CCDC158: variants seen among roughly 807,000 people sequenced by gnomAD.
CCDC158 encodes coiled-coil domain-containing protein 158.
Under a neutral mutation model 138.6 loss-of-function variants are expected in CCDC158, and 116 were observed. The ratio of observed to expected loss-of-function variants is 0.84; its 90% CI spans 0.72 to 0.98. The LOEUF is 0.98. Ranked by LOEUF, CCDC158 falls within the 50% of genes least tolerant of loss-of-function variation. The pLI is 0.00. For synonymous variants in CCDC158, 436 were observed against 442.4 expected (o/e 0.99, Z 0.18); for missense variants, 1,265 against 1,306.1 (o/e 0.97, Z 0.48).
intron 18 of CCDC158, among the ~76,000 whole-genome samples, chr4:76,346,996 T>A (rs1365908247): frequency 1.3e-5 from 2 of 152,108 alleles, no homozygotes; most frequent in Admixed American, 1.3e-4. Context: ...TCATGCCAGT[T>A]AGAATGGCGA....
At chr4:76,347,041 G>A (rs1013969464) in intron 18 of CCDC158, among the ~76,000 whole-genome samples, 5 of 152,104 alleles carry the variant, frequency 3.3e-5, no homozygotes, top group Admixed American at 2.0e-4. Flanking sequence ...ACGCTGGAGA[G>A]GATGTAGAGA....
intron 24 of CCDC158, among the ~76,000 whole-genome samples, chr4:76,314,895 G>A (rs1719225275): frequency 6.6e-6 from 1 of 152,182 alleles, no homozygotes. Flanking sequence ...TCTGGGTGGT[G>A]AATGGGAAAT....
At chr4:76,421,424 A>G (rs1453620054), upstream of CCDC158, among the ~76,000 whole-genome samples, 1 of 152,000 alleles carries the variant, frequency 6.6e-6, no homozygotes, top group Non-Finnish European at 1.5e-5. Context: ...GCCCTGCCCC[A>G]GAAACTACCC....
At position 76,332,449 on chromosome 4, in the gene CCDC158, T is replaced by A; in HGVS notation, c.2865A>T (p.Arg955Ser). 6.2e-7 allele frequency: 1 copy of A among 1,611,262 alleles called. No individual in the cohort carries two copies. Among genetic ancestry groups the A allele is most frequent in the East Asian group, 2.2e-5 (1 of 44,738 alleles). Residue 955 changes from arginine to serine, a missense_variant, in exon 20 of 25, where the codon AGA becomes AGT. Physicochemically the swap from Arg to Ser is moderately radical, Grantham distance 110 (BLOSUM62 -1). Transcript: ENST00000682701. ...VRDCITESSL[R>S]SDMCHRSNNS... ...CTTCTTACCTATGGCACATGTCTGA[T>A]CTCAGGCTGGATTCAGTAATGCAAT... is the stretch of plus-strand genomic sequence containing the variant.
At chr4:76,334,749 C>A (rs1721317471) in intron 18 of CCDC158, among the ~76,000 whole-genome samples, 1 of 152,106 alleles carries the variant, frequency 6.6e-6, no homozygotes, top group Non-Finnish European at 1.5e-5. Flanking sequence ...ATAGGCACAT[C>A]AAGAGGGGAA....
chr4:76,383,960 G>T (rs1005002002), intron 6 of CCDC158, 128 bp downstream of exon 6: 4 of 780,516 alleles, frequency 5.1e-6, no homozygotes, highest in Non-Finnish European at 7.9e-6. Flanking sequence ...TACTGTGGAA[G>T]TAACTTCTGT....
chr4:76,336,345 G>A (rs1721505902), intron 18 of CCDC158, among the ~76,000 whole-genome samples: 1 of 152,004 alleles, frequency 6.6e-6, no homozygotes, highest in Non-Finnish European at 1.5e-5. Context: ...CTCCACAGAG[G>A]CAAGGACTTG....
At chr4:76,351,996 T>TA (rs1723089819) in intron 16 of CCDC158, 184 bp from the exon 17 acceptor site, 2 of 528,386 alleles carry the variant, frequency 3.8e-6, no homozygotes, top group African/African-American at 3.8e-5. Flanking sequence ...GCCATGTTTT[T>TA]ATCCTCTATA....
Position 76,395,810 on chromosome 4 carries a change from G to A in CCDC158, c.288+459C>T, listed in dbSNP as rs138858475. On this transcript the variant is annotated intron_variant, in intron 4 of 24. Coordinates refer to ENST00000682701, the MANE Select transcript of CCDC158 (RefSeq NM_001394954.1). ...AATTGTAAAGCCAGTTTGATTCTAC[G>A]TAATGTCCACTTGAAATTTTTAGCA... 1.9e-3 allele frequency among the ~76,000 whole-genome samples: 292 copies of A among 152,240 alleles called. 2 individuals are homozygous for A. The highest frequency in any genetic ancestry group is 3.9e-3 in the Admixed American group (59 of 15,294).
At chr4:76,403,322 T>C in intron 2 of CCDC158, 42 bp from the exon 3 acceptor site, 1 of 633,516 alleles carries the variant, frequency 1.6e-6, no homozygotes, top group Non-Finnish European at 2.5e-6. Flanking sequence ...CAAGGTACTA[T>C]GTGAAAAAAG....
intron 22 of CCDC158, 32 bp from the exon 23 acceptor site, chr4:76,326,047 C>A: frequency 6.4e-7 from 1 of 1,572,650 alleles, no homozygotes; most frequent in Admixed American, 1.8e-5. Flanking sequence ...AGTAAAAGGA[C>A]AGAATTAATT....
At chr4:76,344,648 C>A in intron 18 of CCDC158, 1 of 1,599,840 alleles carries the variant, frequency 6.3e-7, no homozygotes, top group Non-Finnish European at 8.6e-7. Context: ...TTACAGTGCA[C>A]ACAAAGACCA....
intron 20 of CCDC158, among the ~76,000 whole-genome samples, chr4:76,331,700 G>A (rs750978228): frequency 2.2e-4 from 33 of 152,258 alleles, no homozygotes; most frequent in Non-Finnish European, 4.0e-4. Flanking sequence ...GGAATCAGGA[G>A]GAGTCTGGTT....
intron 9 of CCDC158, among the ~76,000 whole-genome samples, chr4:76,372,851 T>C (rs1255815169): frequency 6.6e-6 from 1 of 151,544 alleles, no homozygotes; most frequent in Non-Finnish European, 1.5e-5. Context: ...AGCGTTTCTA[T>C]AGTTCTTTTT....
chr4:76,341,702 G>A (rs181512243), intron 18 of CCDC158, among the ~76,000 whole-genome samples: 62 of 152,306 alleles, frequency 4.1e-4, no homozygotes, highest in African/African-American at 1.5e-3. Context: ...ATGTGTATAT[G>A]TATGTATATG....
Position 76,369,467 on chromosome 4 carries a change from T to G in CCDC158, c.1306A>C (p.Lys436Gln). 6.2e-7 allele frequency: 1 copy of G among 1,614,158 alleles called. No homozygotes were observed. The highest frequency in any genetic ancestry group is 8.5e-7 in the Non-Finnish European group (1 of 1,180,002). The change falls in exon 11 of 25, where the codon AAG becomes CAG. Residue 436 changes from lysine (K) to glutamine (Q), a missense_variant. Lys to Gln is a moderately conservative substitution (Grantham distance 53, BLOSUM62 1). Coordinates refer to ENST00000682701, the MANE Select transcript of CCDC158 (RefSeq NM_001394954.1). ...CCCTGACACTCGCTCTTCAAGGCCTTGAGCAGGGCTTCCAGGCGCTGCACC... is the reference window on the plus strand; with the variant it reads ...CCCTGACACTCGCTCTTCAAGGCCTGGAGCAGGGCTTCCAGGCGCTGCACC... ...MEVQRLEALLKALKSECQGQM... is the reference protein window; with the variant it reads ...MEVQRLEALLQALKSECQGQM...
intron 18 of CCDC158, among the ~76,000 whole-genome samples, chr4:76,337,262 T>C (rs1243752182): frequency 6.6e-6 from 1 of 152,108 alleles, no homozygotes; most frequent in Non-Finnish European, 1.5e-5. Context: ...AGTGCTCCCA[T>C]GTGAACCACC....
chr4:76,382,929 T>A (rs1447378771), intron 7 of CCDC158, among the ~76,000 whole-genome samples: 1 of 152,080 alleles, frequency 6.6e-6, no homozygotes, highest in Non-Finnish European at 1.5e-5. Flanking sequence ...AATTCAGAAT[T>A]TTTTTTTATT....
At chr4:76,323,228 C>A (rs1284077921) in intron 24 of CCDC158, 74 bp downstream of exon 24, 2 of 1,070,322 alleles carry the variant, frequency 1.9e-6, no homozygotes, top group African/African-American at 3.2e-5. Context: ...GGTCTATAGA[C>A]AGGAGGCTTA....
Sources: allele counts gnomAD v4.1 joint callset (sites outside exome capture counted in the v4.1 genomes callset), GRCh38; gene constraint gnomAD v4.1.1; transcripts MANE v1.5; gene names NCBI Gene and HGNC (gene_info 2026-07-23, HGNC 2026-07-21).